The following VAV3 variants were observed in gnomAD, a reference collection of about 807,000 sequenced individuals.
VAV3 encodes vav guanine nucleotide exchange factor 3.
In VAV3, 94 loss-of-function variants were observed where a neutral mutation model predicts 131.2. The ratio of observed to expected loss-of-function variants is 0.72; its 90% CI spans 0.61 to 0.85. VAV3 has a LOEUF of 0.85. VAV3 is among the 40% of genes least tolerant of loss of function. The pLI is 0.00. For missense variants in VAV3, 939 were observed against 1,002.7 expected (o/e 0.94, Z 0.86); for synonymous variants, 349 against 342.0 (o/e 1.02, Z -0.22).
chr1:107,693,251 A>G (rs1430465119), intron 17 of VAV3, among the ~76,000 whole-genome samples: 2 of 152,168 alleles, frequency 1.3e-5, no homozygotes, highest in African/African-American at 4.8e-5. Flanking sequence ...GGAAAAGGAG[A>G]GTGGAACTGC....
chr1:107,908,565 T>A (rs185344755), intron 1 of VAV3, among the ~76,000 whole-genome samples: 1 of 152,210 alleles, frequency 6.6e-6, no homozygotes, highest in Admixed American at 6.5e-5. Context: ...AAATGTGTAC[T>A]GCATTTGTAA....
chr1:107,827,532 T>G (rs1341804600), intron 2 of VAV3, among the ~76,000 whole-genome samples: 1 of 152,168 alleles, frequency 6.6e-6, no homozygotes, highest in Non-Finnish European at 1.5e-5. Context: ...GAGAAAACTC[T>G]AGGAAGTAGA....
chr1:107,644,218 T>C (rs895489763), intron 19 of VAV3, among the ~76,000 whole-genome samples: 3 of 152,156 alleles, frequency 2.0e-5, no homozygotes, highest in African/African-American at 7.2e-5. Context: ...TTCTATTAAG[T>C]TGCTACTGCT....
chr1:107,794,216 C>A (rs1034529676), intron 2 of VAV3, among the ~76,000 whole-genome samples: 1 of 152,208 alleles, frequency 6.6e-6, no homozygotes, highest in South Asian at 2.1e-4. Flanking sequence ...GCAAGATCCA[C>A]AAATCTGGGC....
intron 1 of VAV3, among the ~76,000 whole-genome samples, chr1:107,959,242 C>A (rs550897176): frequency 6.6e-6 from 1 of 151,928 alleles, no homozygotes; most frequent in East Asian, 1.9e-4. Flanking sequence ...GCCTGGGTGA[C>A]GGAGCAAGAC....
intron 15 of VAV3, among the ~76,000 whole-genome samples, chr1:107,719,245 G>T (rs1044121363): frequency 5.9e-5 from 9 of 152,168 alleles, no homozygotes; most frequent in Non-Finnish European, 7.4e-5. Flanking sequence ...CACGGCAAAA[G>T]AAACTGCCAT....
At chr1:107,871,329 T>TC (rs1220173136) in intron 2 of VAV3, among the ~76,000 whole-genome samples, 3 of 149,364 alleles carry the variant, frequency 2.0e-5, no homozygotes, top group Non-Finnish European at 4.4e-5. Context: ...CGTCCCCCAT[T>TC]CCCCCCCTCT....
At chr1:107,625,402 G>T (rs1405538527) in intron 20 of VAV3, among the ~76,000 whole-genome samples, 8 of 152,064 alleles carry the variant, frequency 5.3e-5, no homozygotes, top group Non-Finnish European at 1.2e-4. Flanking sequence ...GAGTAGCTGG[G>T]ATTACAGGCA....
intron 22 of VAV3, among the ~76,000 whole-genome samples, chr1:107,605,785 T>G (rs1011153036): frequency 1.3e-5 from 2 of 152,210 alleles, no homozygotes; most frequent in African/African-American, 2.4e-5. Flanking sequence ...TGTTTACACT[T>G]GGGTTCCATC....
chr1:107,827,745 GT>G (rs1240448379), intron 2 of VAV3, among the ~76,000 whole-genome samples: 1 of 152,072 alleles, frequency 6.6e-6, no homozygotes, highest in East Asian at 1.9e-4. Context: ...CCAATTTGAG[GT>G]TTTTTAACCA....
intron 15 of VAV3, among the ~76,000 whole-genome samples, chr1:107,745,380 T>C (rs1247273550): frequency 1.3e-5 from 2 of 149,346 alleles, no homozygotes; most frequent in Admixed American, 1.3e-4. Context: ...CTACCACTTA[T>C]CACAAAAAAA....
chr1:107,615,294 T>C (rs1313941158), intron 21 of VAV3, among the ~76,000 whole-genome samples: 1 of 152,132 alleles, frequency 6.6e-6, no homozygotes, highest in Non-Finnish European at 1.5e-5. Flanking sequence ...TGCAGGCCAT[T>C]ATCATACGTG....
intron 2 of VAV3, among the ~76,000 whole-genome samples, chr1:107,803,063 T>C (rs1263556285): frequency 6.6e-6 from 1 of 152,026 alleles, no homozygotes; most frequent in African/African-American, 2.4e-5. Context: ...CGTGGCTTAA[T>C]CTTGTCAGGT....
chr1:107,741,432 A>T (rs1019818638), intron 15 of VAV3, among the ~76,000 whole-genome samples: 2 of 152,192 alleles, frequency 1.3e-5, no homozygotes, highest in African/African-American at 4.8e-5. Flanking sequence ...GGTCCTCTGC[A>T]GGGAGCAGTG....
intron 2 of VAV3, among the ~76,000 whole-genome samples, chr1:107,849,548 C>A (rs1408300570): frequency 6.6e-6 from 1 of 152,040 alleles, no homozygotes; most frequent in African/African-American, 2.4e-5. Flanking sequence ...GAAACTGGAC[C>A]CCTTCCTTAT....
intron 19 of VAV3, among the ~76,000 whole-genome samples, chr1:107,678,203 A>G: frequency 6.6e-6 from 1 of 152,136 alleles, no homozygotes; most frequent in East Asian, 1.9e-4. Flanking sequence ...ATGAATCTTA[A>G]TCACTGGGTT....
intron 2 of VAV3, among the ~76,000 whole-genome samples, chr1:107,797,718 T>C (rs1666613740): frequency 6.6e-6 from 1 of 152,210 alleles, no homozygotes. Context: ...TCATGACCTT[T>C]AGGTTGGGGT....
At chr1:107,908,026 C>T (rs569242247) in intron 1 of VAV3, among the ~76,000 whole-genome samples, 14 of 152,230 alleles carry the variant, frequency 9.2e-5, no homozygotes, top group East Asian at 1.9e-4. Flanking sequence ...GGAATGAATT[C>T]GGAAGGATGC....
intron 2 of VAV3, among the ~76,000 whole-genome samples, chr1:107,828,071 G>A (rs903325237): frequency 1.3e-5 from 2 of 152,138 alleles, no homozygotes; most frequent in African/African-American, 4.8e-5. Context: ...GGATACTCCT[G>A]AATCAAGACA....
Sources: gnomAD v4.1 joint callset for allele counts (sites outside exome capture counted in the v4.1 genomes callset) on GRCh38, gnomAD v4.1.1 for gene constraint, MANE v1.5 for transcripts, NCBI Gene and HGNC (gene_info 2026-07-23, HGNC 2026-07-21) for gene names.